Variants in LIMA1 observed in about 807,000 individuals in gnomAD.
The protein encoded by LIMA1 is LIM domain and actin binding 1, also known as LIM domain and actin-binding protein 1.
In LIMA1, 52 loss-of-function variants were observed where a neutral mutation model predicts 62.6. The observed-to-expected ratio is 0.83, with a 90% confidence interval of 0.67 to 1.05. LIMA1 has a LOEUF of 1.05. Among genes scored for constraint, LIMA1 ranks in the 50% least tolerant of loss-of-function variants. LIMA1 has a pLI of 0.00. For missense variants in LIMA1, 780 were observed against 902.2 expected, an observed-to-expected ratio of 0.86 and a Z score of 1.74; for synonymous variants, 302 against 317.8, an observed-to-expected ratio of 0.95 and a Z score of 0.53.
At position 50,222,236 on chromosome 12, in the gene LIMA1, G is replaced by GA; in HGVS notation, c.414dup (p.Gln139SerfsTer11). On this transcript the variant is annotated frameshift_variant, in exon 4 of 11. Transcript: ENST00000341247. LOFTEE classifies it high-confidence loss of function. ...TCCTTGATGTGGGGATATCGACCCT[G>GA]AACGAGGGCTTCAGGAGGTGACCTG... 1.2e-6 allele frequency: 2 copies of GA among 1,614,196 alleles called. No individual in the cohort carries two copies.
At chr12:50,252,990 G>A (rs533116895) in intron 1 of LIMA1, among the ~76,000 whole-genome samples, 46 of 152,250 alleles carry the variant, frequency 3.0e-4, no homozygotes, top group African/African-American at 1.0e-3. Context: ...GTTTAAATTC[G>A]TAAATTAATT....
intron 4 of LIMA1, among the ~76,000 whole-genome samples, chr12:50,207,966 C>T (rs1022928043): frequency 3.3e-5 from 5 of 151,324 alleles, no homozygotes; most frequent in Non-Finnish European, 5.9e-5. Context: ...AGACAGAAAA[C>T]ATACCACATC....
At chr12:50,242,441 G>A (rs1009930709) in intron 2 of LIMA1, among the ~76,000 whole-genome samples, 5 of 151,680 alleles carry the variant, frequency 3.3e-5, no homozygotes, top group Non-Finnish European at 7.4e-5. Context: ...CTGCAGCCTT[G>A]AGCTTCTGGA....
At chr12:50,180,725 T>C (rs569971599) in intron 10 of LIMA1, among the ~76,000 whole-genome samples, 4 of 152,182 alleles carry the variant, frequency 2.6e-5, no homozygotes, top group Non-Finnish European at 4.4e-5. Flanking sequence ...ATAAGTTTTA[T>C]CTTTTTAAAG....
intron 4 of LIMA1, among the ~76,000 whole-genome samples, chr12:50,206,390 TCTG>T (rs1337870621): frequency 1.3e-5 from 2 of 152,128 alleles, no homozygotes; most frequent in African/African-American, 2.4e-5. Context: ...TGATGCAGAA[TCTG>T]CTGTTTCCTT....
intron 1 of LIMA1, among the ~76,000 whole-genome samples, chr12:50,280,055 A>T (rs955431713): frequency 6.6e-6 from 1 of 152,064 alleles, no homozygotes; most frequent in African/African-American, 2.4e-5. Context: ...TTAAGGGGGA[A>T]AATAGATCCA....
At chr12:50,183,992 G>C (rs1211769097) in intron 9 of LIMA1, among the ~76,000 whole-genome samples, 2 of 151,972 alleles carry the variant, frequency 1.3e-5, no homozygotes, top group Non-Finnish European at 2.9e-5. Flanking sequence ...ATCTATAAAA[G>C]GAAGTTTAAT....
At chr12:50,210,647 A>G (rs2138511408) in intron 4 of LIMA1, among the ~76,000 whole-genome samples, 1 of 152,290 alleles carries the variant, frequency 6.6e-6, no homozygotes, top group Non-Finnish European at 1.5e-5. Flanking sequence ...ATCATTTAGA[A>G]CCAGAGCATA....
At chr12:50,226,916 T>C (rs1322514748) in intron 3 of LIMA1, among the ~76,000 whole-genome samples, 1 of 151,536 alleles carries the variant, frequency 6.6e-6, no homozygotes, top group Non-Finnish European at 1.5e-5. Flanking sequence ...TTTCTTTTTT[T>C]TTTTTTTTTA....
chr12:50,252,825 G>A (rs1225720571), intron 1 of LIMA1, among the ~76,000 whole-genome samples: 1 of 152,082 alleles, frequency 6.6e-6, no homozygotes, highest in African/African-American at 2.4e-5. Flanking sequence ...TCTCTCTGGT[G>A]GAACACAGAA....
chr12:50,178,383 C>T (rs1940403705), intron 10 of LIMA1, among the ~76,000 whole-genome samples: 1 of 151,914 alleles, frequency 6.6e-6, no homozygotes, highest in Admixed American at 6.6e-5. Flanking sequence ...TTCATCTCTA[C>T]AAAAAATTTA....
At chr12:50,276,541 C>A (rs985329325) in intron 1 of LIMA1, among the ~76,000 whole-genome samples, 2 of 152,046 alleles carry the variant, frequency 1.3e-5, no homozygotes, top group African/African-American at 4.8e-5. Context: ...ATGGTGAAGG[C>A]CTTCTAAACA....
chr12:50,252,615 C>T (rs1941945429), intron 1 of LIMA1, among the ~76,000 whole-genome samples: 1 of 146,542 alleles, frequency 6.8e-6, no homozygotes, highest in Non-Finnish European at 1.5e-5. Context: ...CATAATGGGG[C>T]CTGACTGGGA....
At chr12:50,221,884 C>A in intron 4 of LIMA1, 137 bp downstream of exon 4, 1 of 686,124 alleles carries the variant, frequency 1.5e-6, no homozygotes, top group African/African-American at 1.8e-5. Context: ...GCATTTGAGA[C>A]TATTAACTTA....
At chr12:50,200,945 A>T (rs1413024541) in intron 6 of LIMA1, 61 bp from the exon 7 acceptor site, 3 of 1,581,146 alleles carry the variant, frequency 1.9e-6, no homozygotes, top group Non-Finnish European at 2.6e-6. Context: ...TTCTCTTCAT[A>T]GCACATCTAT....
chr12:50,227,091 T>C (rs1038117394), intron 3 of LIMA1, among the ~76,000 whole-genome samples: 1 of 151,996 alleles, frequency 6.6e-6, no homozygotes, highest in African/African-American at 2.4e-5. Flanking sequence ...TAGATAGATG[T>C]ATACTGTGTA....
intron 5 of LIMA1, among the ~76,000 whole-genome samples, chr12:50,205,124 G>C (rs1240063458): frequency 6.6e-6 from 1 of 152,118 alleles, no homozygotes; most frequent in East Asian, 1.9e-4. Context: ...CCAGGCTAGA[G>C]TATGGGGCAG....
intron 1 of LIMA1, among the ~76,000 whole-genome samples, chr12:50,275,496 GAC>G (rs1239131755): frequency 2.0e-5 from 3 of 152,134 alleles, no homozygotes; most frequent in African/African-American, 4.8e-5. Flanking sequence ...TATAAATAGT[GAC>G]AACATTAAGT....
intron 2 of LIMA1, among the ~76,000 whole-genome samples, chr12:50,246,231 CAAA>C (rs923214910): frequency 5.8e-5 from 3 of 51,382 alleles, no homozygotes; most frequent in Non-Finnish European, 4.1e-5. Context: ...GACTCCATCT[CAAA>C]AAAAAAAAAA....
Sources: allele counts gnomAD v4.1 joint callset (sites outside exome capture counted in the v4.1 genomes callset), GRCh38; gene constraint gnomAD v4.1.1; transcripts MANE v1.5; gene names NCBI Gene and HGNC (gene_info 2026-07-23, HGNC 2026-07-21).